The following POU6F1 variants were observed in gnomAD, a reference collection of about 807,000 sequenced individuals.
POU6F1 encodes POU domain, class 6, transcription factor 1.
POU6F1 carries 9 observed loss-of-function variants against 28.9 expected under a neutral mutation model. That is an observed-to-expected ratio of 0.31 (90% confidence interval 0.19 to 0.54). The LOEUF is 0.54. Among genes scored for constraint, POU6F1 ranks in the 20% least tolerant of loss-of-function variants. The pLI, the probability that POU6F1 is intolerant of heterozygous loss-of-function variation, is 0.94. For synonymous variants in POU6F1, 173 were observed against 171.1 expected, an observed-to-expected ratio of 1.01 and a Z score of -0.09; for missense variants, 338 against 426.1, an observed-to-expected ratio of 0.79 and a Z score of 1.82.
chr12:51,200,587 C>T (rs1412574988), intron 3 of POU6F1, among the ~76,000 whole-genome samples: 3 of 152,180 alleles, frequency 2.0e-5, no homozygotes, highest in Admixed American at 2.0e-4. Flanking sequence ...TCTTCACAGC[C>T]ATACAACGAG....
At chr12:51,197,218 T>C (rs1942894008) in intron 6 of POU6F1, among the ~76,000 whole-genome samples, 1 of 150,792 alleles carries the variant, frequency 6.6e-6, no homozygotes, top group Non-Finnish European at 1.5e-5. Flanking sequence ...ACCGGCTGGA[T>C]GGTTTCCAGG....
chr12:51,208,219 C>A (rs1943755381), intron 1 of POU6F1, among the ~76,000 whole-genome samples: 2 of 151,852 alleles, frequency 1.3e-5, no homozygotes, highest in East Asian at 1.9e-4. Context: ...GTGGGAAGAT[C>A]GCTTGAGCCT....
rs1390758250 is a variant in POU6F1, at chr12:51,188,697, G to T, written c.*1550C>A. 2 of 152,320 alleles carry T rather than the reference G, an allele frequency of 1.3e-5. No homozygotes were observed. Among genetic ancestry groups the T allele is most frequent in the African/African-American group, 4.8e-5 (2 of 41,466 alleles). 9.4% of individuals were successfully genotyped at this position (152,320 alleles called of 1,614,324 possible). On this transcript the variant is annotated 3_prime_UTR_variant, in exon 11 of 11. Coordinates refer to ENST00000333640, the MANE Select transcript of POU6F1 (RefSeq NM_001330422.2). ...GGCTCTGCACCAGTGACTGACAGAG[G>T]TGGTGATGTGTCCCCAGCTGACGGT... is the stretch of plus-strand genomic sequence containing the variant.
chr12:51,191,274 TC>T (rs1445873906), intron 10 of POU6F1, among the ~76,000 whole-genome samples: 1 of 152,198 alleles, frequency 6.6e-6, no homozygotes, highest in Non-Finnish European at 1.5e-5. Flanking sequence ...GAATGGAAGT[TC>T]CCACTTTGGT....
At chr12:51,201,024 A>C (rs536917202) in intron 3 of POU6F1, among the ~76,000 whole-genome samples, 1 of 152,188 alleles carries the variant, frequency 6.6e-6, no homozygotes, top group Non-Finnish European at 1.5e-5. Flanking sequence ...TGCTGGGCAT[A>C]TATTTCTAGG....
Position 51,192,329 on chromosome 12 carries a change from CT to C in POU6F1, c.1321del (p.Lys441SerfsTer14). 6.2e-7 allele frequency: 1 copy of C among 1,613,936 alleles called. No individual in the cohort carries two copies. Among genetic ancestry groups the C allele is most frequent in the Non-Finnish European group, 8.5e-7 (1 of 1,179,878 alleles). On this transcript the variant is annotated frameshift_variant and splice_region_variant, in exon 9 of 11. Transcript: ENST00000333640. LOFTEE classifies it high-confidence loss of function. ...ACACTACTTCTCCAGGAGCCACTTA[CT>C]GGACACCAACTGGCTGACGGTGGGG... ...ETPTVSQLVSKPHTPSLDEDG... is the reference protein window; with the variant it reads ...ETPTVSQLVSXPHTPSLDEDG...
At chr12:51,195,074 T>C (rs1565606149) in intron 8 of POU6F1, among the ~76,000 whole-genome samples, 4 of 152,230 alleles carry the variant, frequency 2.6e-5, no homozygotes, top group South Asian at 2.1e-4. Flanking sequence ...TGCTCTAGCA[T>C]GTGATACTTG....
chr12:51,188,822 C>G lies in POU6F1; in HGVS notation c.*1425G>C, dbSNP rs955572697. On this transcript the variant is annotated 3_prime_UTR_variant, in exon 11 of 11. Coordinates refer to ENST00000333640, the MANE Select transcript of POU6F1 (RefSeq NM_001330422.2). Reference sequence around the variant, plus strand: ...ACTGAAGACAGGGGTGGTTGACCCCCGTGACTTGGGGCCCTTTAGGGATAA... The same window carrying G: ...ACTGAAGACAGGGGTGGTTGACCCCGGTGACTTGGGGCCCTTTAGGGATAA... 4 of 151,904 alleles carry G rather than the reference C, an allele frequency of 2.6e-5. No individual in the cohort carries two copies. Among genetic ancestry groups the G allele is most frequent in the Non-Finnish European group, 5.9e-5 (4 of 67,982 alleles). The allele number at this position is 151,904 out of a possible 1,614,324, so 9.4% of individuals were successfully genotyped here. A position where few individuals can be genotyped will look rare whatever the true frequency, so the allele number is the denominator to read the frequency against.
In POU6F1 at chr12:51,196,856, G is replaced by T. The variant is rs747564631; in HGVS notation, c.918C>A (p.Ser306Arg). Residue 306 changes from serine to arginine, a missense_variant, in exon 7 of 11, where the codon AGC (serine) becomes AGA (arginine). By Grantham distance (110) the Ser-to-Arg change is moderately radical. Transcript: ENST00000333640. The stretch of plus-strand genomic sequence containing the variant: ...TGATCCCTGGCATGCTGGGAATGGC[G>T]CTGGTAATGACTGGAGCTGTAGTGA... Reference protein sequence around the residue: ...GSLTTAPVITSAIPSMPGISS... With the variant: ...GSLTTAPVITRAIPSMPGISS... 2 of 1,613,946 alleles carry T rather than the reference G, an allele frequency of 1.2e-6. No individual in the cohort carries two copies. The highest frequency in any genetic ancestry group is 1.7e-6 in the Non-Finnish European group (2 of 1,179,964).
In POU6F1 at chr12:51,217,467, G is replaced by A. The variant is rs1944348041; in HGVS notation, c.-48+175C>T. The stretch of plus-strand genomic sequence containing the variant: ...CGCTGTCCCGCTCCCGCAGCTCCCC[G>A]CCGCCCCGGCCCAGCATCCCGCCGC... On this transcript the variant is annotated intron_variant, in intron 1 of 10. Coordinates refer to ENST00000333640, the MANE Select transcript of POU6F1 (RefSeq NM_001330422.2). The surrounding 1 kb of genome is among the most constrained non-coding windows in gnomAD (Gnocchi z 5.3). 6.6e-6 allele frequency among the ~76,000 whole-genome samples: 1 copy of A among 151,960 alleles called. No individual in the cohort carries two copies. The highest frequency in any genetic ancestry group is 1.5e-5 in the Non-Finnish European group (1 of 67,914).
intron 2 of POU6F1, among the ~76,000 whole-genome samples, chr12:51,206,318 G>C (rs892607749): frequency 2.6e-5 from 4 of 151,204 alleles, no homozygotes; most frequent in African/African-American, 9.7e-5. Flanking sequence ...AGCTACTCGG[G>C]AGGCTGAGGC....
At chr12:51,214,199 T>C (rs1473426454) in intron 1 of POU6F1, among the ~76,000 whole-genome samples, 1 of 152,050 alleles carries the variant, frequency 6.6e-6, no homozygotes, top group Non-Finnish European at 1.5e-5. Flanking sequence ...GGTGATTAAA[T>C]AGGCAAGCCC....
chr12:51,215,701 ACT>A (rs1944252370), intron 1 of POU6F1, among the ~76,000 whole-genome samples: 1 of 150,374 alleles, frequency 6.7e-6, no homozygotes, highest in African/African-American at 2.5e-5. Context: ...CCTGCATCCC[ACT>A]CTCTCTTCTG....
chr12:51,215,555 CAAAAA>C (rs11415220), intron 1 of POU6F1, among the ~76,000 whole-genome samples: 3 of 88,610 alleles, frequency 3.4e-5, no homozygotes, highest in East Asian at 6.5e-4. Flanking sequence ...AACCCTGTCT[CAAAAA>C]AAAAAAAAAA....
intron 1 of POU6F1, among the ~76,000 whole-genome samples, chr12:51,207,944 T>C (rs1943735147): frequency 6.6e-6 from 1 of 152,088 alleles, no homozygotes; most frequent in Non-Finnish European, 1.5e-5. Context: ...GAGGACAGGT[T>C]GTCTGACTAG....
Position 51,196,083 on chromosome 12 carries a change from G to T in POU6F1, c.1066C>A (p.Gln356Lys), listed in dbSNP as rs750755915. The T allele has an allele frequency of 3.7e-6, 6 of 1,604,914 alleles. No individual in the cohort carries two copies. The highest frequency in any genetic ancestry group is 1.1e-5 in the South Asian group (1 of 89,488). Residue 356 changes from glutamine (Q) to lysine (K), a missense_variant, in exon 8 of 11, where the codon CAG becomes AAG. Physicochemically the swap from Gln to Lys is moderately conservative, Grantham distance 53 (BLOSUM62 1). Coordinates refer to ENST00000333640, the MANE Select transcript of POU6F1 (RefSeq NM_001330422.2). ...TGGCCCTGGGCGTTCAACAACAGCT[G>T]GGGGGTCACGGCCTGGACCTGCAGG... ...QSLQVQAVTP[Q>K]LLLNAQGQVI...
At position 51,192,348 on chromosome 12, in the gene POU6F1, C is replaced by T. The variant is rs764039567; in HGVS notation, c.1303G>A (p.Val435Ile). 7.5e-5 allele frequency: 121 copies of T among 1,613,974 alleles called. No individual in the cohort carries two copies. Among genetic ancestry groups the T allele is most frequent in the Non-Finnish European group, 8.1e-5 (95 of 1,179,976 alleles). ...CACTTACTGGACACCAACTGGCTGA[C>T]GGTGGGGGTCTCTGAGCAGGTAATT... ...IPITCSETPT[V>I]SQLVSKPHTP... The change falls in exon 9 of 11, where the codon GTC becomes ATC. Residue 435 changes from valine to isoleucine, a missense_variant. By Grantham distance (29) the Val-to-Ile change is conservative. This residue lies in a region of POU6F1 where 206 missense variants were observed against 225.6 expected (regional missense o/e 0.91). Transcript: ENST00000333640.
intron 8 of POU6F1, among the ~76,000 whole-genome samples, chr12:51,193,993 T>A (rs1325699889): frequency 6.6e-6 from 1 of 152,134 alleles, no homozygotes; most frequent in Non-Finnish European, 1.5e-5. Flanking sequence ...TTAAACTGCC[T>A]CACCACAGTC....
At chr12:51,192,697 G>A (rs1942508975) in intron 8 of POU6F1, among the ~76,000 whole-genome samples, 2 of 152,168 alleles carry the variant, frequency 1.3e-5, no homozygotes, top group Admixed American at 1.3e-4. Context: ...TTGAGGTTGG[G>A]AGTTTGATAT....
Sources: gnomAD v4.1 joint callset for allele counts (sites outside exome capture counted in the v4.1 genomes callset) on GRCh38, gnomAD v4.1.1 for gene constraint, gnomAD v4.1.1 regional missense constraint, Gnocchi (gnomAD v3.1) non-coding constraint, MANE v1.5 for transcripts, NCBI Gene and HGNC (gene_info 2026-07-23, HGNC 2026-07-21) for gene names.